KSR1: variants seen among roughly 807,000 people sequenced by gnomAD.
KSR1 encodes the protein kinase suppressor of ras 1, also known as kinase suppressor of ras.
Under a neutral mutation model 92.9 loss-of-function variants are expected in KSR1, and 35 were observed. The ratio of observed to expected loss-of-function variants is 0.38; its 90% CI spans 0.29 to 0.50. The LOEUF is 0.50. Ranked by LOEUF, KSR1 falls within the 20% of genes least tolerant of loss-of-function variation. KSR1 has a pLI of 0.94. For missense variants in KSR1, 972 were observed against 1,158.5 expected, an observed-to-expected ratio of 0.84 and a Z score of 2.34; for synonymous variants, 467 against 472.6, an observed-to-expected ratio of 0.99 and a Z score of 0.15.
chr17:27,604,766 CT>C (rs763169066), intron 13 of KSR1, 38 bp downstream of exon 13: 2 of 1,607,530 alleles, frequency 1.2e-6, no homozygotes, highest in Non-Finnish European at 1.7e-6. Flanking sequence ...ATGGCCCCCC[CT>C]CTTTTTTCCC....
At position 27,609,176 on chromosome 17, in the gene KSR1, C is replaced by T. The variant is rs754812864; in HGVS notation, c.2092-20C>T. 15 of 1,609,056 alleles carry T rather than the reference C, an allele frequency of 9.3e-6. No homozygotes were observed. Among genetic ancestry groups the T allele is most frequent in the Non-Finnish European group, 1.3e-5 (15 of 1,176,102 alleles). On this transcript the variant is annotated intron_variant, in intron 15 of 20. Transcript: ENST00000644974. ...TCCGTCATCGTTGCACATCTTCACT[C>T]CTCCTGATGTGTCCTCCAGGGCATG...
chr17:27,542,740 A>C lies in KSR1; in HGVS notation c.232-7828A>C, dbSNP rs539879858. Among the ~76,000 whole-genome samples, 3 of 152,330 alleles carry C rather than the reference A, an allele frequency of 2.0e-5. No individual in the cohort carries two copies. The East Asian group carries it at 5.8e-4, about 29-fold the overall frequency. On this transcript the variant is annotated intron_variant, in intron 1 of 20. Transcript: ENST00000644974. ...TGCAGGCTGAGCAGGAGTAACACTA[A>C]CAGAGTTCTATTTAGTGAGCACTTT...
At position 27,605,744 on chromosome 17, in the gene KSR1, C is replaced by T; in HGVS notation, c.1925C>T (p.Thr642Met). Reference sequence around the variant, plus strand: ...AAAGAGGTGATGAACTACCGGCAGACGCGGCATGAGAACGTGGTGCTCTTC... The same window carrying T: ...AAAGAGGTGATGAACTACCGGCAGATGCGGCATGAGAACGTGGTGCTCTTC... ...FKKEVMNYRQ[T>M]RHENVVLFMG... The change falls in exon 14 of 21, where the codon ACG (threonine) becomes ATG (methionine). Residue 642 changes from threonine (T) to methionine (M), a missense_variant. Thr to Met is a moderately conservative substitution (Grantham distance 81). Coordinates refer to ENST00000644974, the MANE Select transcript of KSR1 (RefSeq NM_001394583.1). 1.2e-6 allele frequency: 2 copies of T among 1,612,814 alleles called. No individual in the cohort carries two copies. The highest frequency in any genetic ancestry group is 1.7e-6 in the Non-Finnish European group (2 of 1,179,844).
In KSR1 at chr17:27,557,618, T is replaced by C. The variant is rs2071655194; in HGVS notation, c.372+6910T>C. ...GATCATGGGCAAGTGACTTCATCTC[T>C]CTGGGCCTCAGTTTATCCATATGAG... On this transcript the variant is annotated intron_variant, in intron 2 of 20. Coordinates refer to ENST00000644974, the MANE Select transcript of KSR1 (RefSeq NM_001394583.1). 2.0e-5 allele frequency among the ~76,000 whole-genome samples: 3 copies of C among 152,198 alleles called. No homozygotes were observed. The South Asian group carries it at 6.2e-4, about 32-fold the overall frequency.
intron 1 of KSR1, among the ~76,000 whole-genome samples, chr17:27,533,591 C>A (rs1356503884): frequency 2.0e-5 from 3 of 152,120 alleles, no homozygotes; most frequent in Non-Finnish European, 4.4e-5. Context: ...ACCATGTTGG[C>A]CAGAATGGTC....
chr17:27,578,370 G>A (rs1178693234), intron 3 of KSR1: 1 of 153,130 alleles, frequency 6.5e-6, no homozygotes, highest in African/African-American at 2.4e-5. Context: ...TCCCAGAGAG[G>A]ATCGGGCTTA....
intron 8 of KSR1, 22 bp downstream of exon 8, chr17:27,592,444 C>G: frequency 6.2e-7 from 1 of 1,613,592 alleles, no homozygotes; most frequent in Non-Finnish European, 8.5e-7. Flanking sequence ...GCCTTCCTCT[C>G]CTCTGCCTTC....
chr17:27,588,553 G>C lies in KSR1; in HGVS notation c.1046+18G>C. ...ACGCACAGGTAGGCACAGCGGGCCT[G>C]GAGGGGGAGCAGGGCACAGCCGGGC... On this transcript the variant is annotated intron_variant, in intron 6 of 20. Transcript: ENST00000644974. 6.3e-7 allele frequency: 1 copy of C among 1,582,718 alleles called. No homozygotes were observed. Among genetic ancestry groups the C allele is most frequent in the Non-Finnish European group, 8.6e-7 (1 of 1,164,866 alleles).
intron 1 of KSR1, among the ~76,000 whole-genome samples, chr17:27,481,036 C>T (rs2068494987): frequency 1.3e-5 from 2 of 152,152 alleles, no homozygotes; most frequent in South Asian, 2.1e-4. Context: ...GTGTCTTTAG[C>T]TTTTGTTGTT....
chr17:27,472,840 A>G (rs2020091227), intron 1 of KSR1, among the ~76,000 whole-genome samples: 1 of 152,216 alleles, frequency 6.6e-6, no homozygotes, highest in Non-Finnish European at 1.5e-5. Flanking sequence ...GGAAGGCCAG[A>G]ATCCTGGGAA....
rs2074300920 is a variant in KSR1, at chr17:27,624,622, A to G, written c.*1230A>G. The G allele has an allele frequency of 6.6e-6, 1 of 152,168 alleles. No individual in the cohort carries two copies. The highest frequency in any genetic ancestry group is 1.5e-5 in the Non-Finnish European group (1 of 68,014). 9.4% of individuals were successfully genotyped at this position (152,168 alleles called of 1,614,324 possible). ...CGCTTGTCTTCGTTAGAAACTCTTA[A>G]CTGCAGAAAAAAGTTCCAGATGGCA... On this transcript the variant is annotated 3_prime_UTR_variant, in exon 21 of 21. Transcript: ENST00000644974.
intron 1 of KSR1, among the ~76,000 whole-genome samples, chr17:27,505,627 A>G (rs1330205263): frequency 6.6e-6 from 1 of 152,234 alleles, no homozygotes; most frequent in East Asian, 1.9e-4. Flanking sequence ...TATCAGTAAA[A>G]TGGGGATGGT....
chr17:27,608,091 C>A, intron 15 of KSR1, 81 bp downstream of exon 15: 2 of 1,035,282 alleles, frequency 1.9e-6, no homozygotes, highest in Non-Finnish European at 1.5e-6. Flanking sequence ...CTGTTACTCC[C>A]TGTTAGGGTG....
At chr17:27,566,496 AGGGGCACAGGGCCCCCACCTCT>A (rs1007457717) in intron 2 of KSR1, 4 of 399,028 alleles carry the variant, frequency 1.0e-5, no homozygotes, top group African/African-American at 8.2e-5. Context: ...CAAGGTGTCC[AGGGGCACAGGGCCCCCACCTCT>A]GGGGATGCCA....
chr17:27,500,593 A>G (rs2069143442), intron 1 of KSR1, among the ~76,000 whole-genome samples: 1 of 152,258 alleles, frequency 6.6e-6, no homozygotes, highest in Non-Finnish European at 1.5e-5. Flanking sequence ...TTATTTGGTT[A>G]AATTAGAAAC....
At chr17:27,601,432 C>G (rs2073553529) in intron 11 of KSR1, 31 bp downstream of exon 11, 3 of 1,600,876 alleles carry the variant, frequency 1.9e-6, no homozygotes, top group Non-Finnish European at 2.6e-6. Context: ...CATTAACTGC[C>G]CTTTGCTGTG....
intron 18 of KSR1, chr17:27,613,257 T>G (rs1292756272): frequency 1.3e-5 from 2 of 152,658 alleles, no homozygotes; most frequent in Non-Finnish European, 2.9e-5. Flanking sequence ...TTCACCTTGG[T>G]GCATCCTCGG....
chr17:27,614,900 T>G (rs1250507683), intron 18 of KSR1, among the ~76,000 whole-genome samples: 2 of 152,162 alleles, frequency 1.3e-5, no homozygotes, highest in Non-Finnish European at 2.9e-5. Flanking sequence ...GGAACATTGG[T>G]CAACGCAATA....
At chr17:27,608,482 A>G (rs8070878) in intron 15 of KSR1, among the ~76,000 whole-genome samples, 30,899 of 152,088 alleles carry the variant, frequency 0.2, 3,915 homozygotes, top group African/African-American at 0.34. Context: ...GATCATGCCT[A>G]TGTCAGGTCA....
Sources: allele counts gnomAD v4.1 joint callset (sites outside exome capture counted in the v4.1 genomes callset), GRCh38; gene constraint gnomAD v4.1.1; transcripts MANE v1.5; gene names NCBI Gene and HGNC (gene_info 2026-07-23, HGNC 2026-07-21).